ZNF469: variants seen among roughly 807,000 people sequenced by gnomAD.
ZNF469 encodes the protein zinc finger protein 469.
ZNF469 carries 1 observed loss-of-function variant against 1.0 expected under a neutral mutation model. That is an observed-to-expected ratio of 1.00 (90% CI 0.35 to 4.73). The LOEUF (loss-of-function observed/expected upper bound fraction) is 4.73, where lower values mean the gene tolerates loss of function less well. Ranked by LOEUF, ZNF469 falls within the 30% of genes most tolerant of loss-of-function variation. ZNF469 has a pLI of 0.16. For missense variants in ZNF469, 6,100 were observed against 5,356.3 expected, an observed-to-expected ratio of 1.14 and a Z score of -4.33; for synonymous variants, 2,703 against 2,363.4, an observed-to-expected ratio of 1.14 and a Z score of -4.17.
chr16:88,276,314 G>T, the ZNF469 span, among the ~76,000 whole-genome samples: 6 of 152,288 alleles, frequency 3.9e-5, no homozygotes, highest in Middle Eastern at 3.4e-3. Context: ...AAGCAGGGGG[G>T]ATTGGGAGGA....
chr16:88,242,492 A>G, the ZNF469 span, among the ~76,000 whole-genome samples: 1 of 152,252 alleles, frequency 6.6e-6, no homozygotes, highest in Non-Finnish European at 1.5e-5. Context: ...CACCAGGCAG[A>G]TTGGACTGGG....
chr16:88,240,917 C>G, the ZNF469 span, among the ~76,000 whole-genome samples: 1 of 152,114 alleles, frequency 6.6e-6, no homozygotes, highest in Non-Finnish European at 1.5e-5. Flanking sequence ...AAGAGACACA[C>G]AAGCCACCTG....
chr16:88,157,754 G>A, the ZNF469 span, among the ~76,000 whole-genome samples: 4 of 152,166 alleles, frequency 2.6e-5, no homozygotes, highest in Non-Finnish European at 4.4e-5. Context: ...CCCCCATCCC[G>A]AGTCTGGGTC....
At chr16:88,418,359 G>C (rs1905358913) in intron 1 of ZNF469, among the ~76,000 whole-genome samples, 1 of 152,142 alleles carries the variant, frequency 6.6e-6, no homozygotes, top group Non-Finnish European at 1.5e-5. Flanking sequence ...AGCAGAGCTG[G>C]GTTGGGGCCT....
At position 88,430,186 on chromosome 16, in the gene ZNF469, C is replaced by A. The variant is rs1567510738; in HGVS notation, c.2716C>A (p.Pro906Thr). 1 of 1,547,852 alleles carries A rather than the reference C, an allele frequency of 6.5e-7. No individual in the cohort carries two copies. The change falls in exon 3 of 3, where the codon CCG becomes ACG. Residue 906 changes from proline to threonine, a missense_variant. Coordinates refer to ENST00000565624, the MANE Select transcript of ZNF469 (RefSeq NM_001367624.2). ...KAPPPLPAAT[P>T]DPQTPRPGDR... ...TCCGCCCCCGCTCCCAGCAGCCACG[C>A]CGGACCCCCAAACCCCCCGCCCTGG... is the stretch of plus-strand genomic sequence containing the variant.
the ZNF469 span, among the ~76,000 whole-genome samples, chr16:88,230,569 G>T: frequency 7.2e-6 from 1 of 137,936 alleles, no homozygotes; most frequent in Non-Finnish European, 1.6e-5. Context: ...TGATGAGCAG[G>T]TGTCGCTGTG....
At chr16:88,305,136 T>G in the ZNF469 span, among the ~76,000 whole-genome samples, 1 of 152,184 alleles carries the variant, frequency 6.6e-6, no homozygotes, top group African/African-American at 2.4e-5. Flanking sequence ...CCAGTCCTTC[T>G]GAGTCCTAAT....
chr16:88,420,671 C>T (rs1905429743), intron 1 of ZNF469, among the ~76,000 whole-genome samples: 1 of 152,234 alleles, frequency 6.6e-6, no homozygotes, highest in Non-Finnish European at 1.5e-5. Context: ...AAGAGGGATG[C>T]CATGCTTCTG....
At chr16:88,185,551 GCACT>G in the ZNF469 span, among the ~76,000 whole-genome samples, 1 of 149,744 alleles carries the variant, frequency 6.7e-6, no homozygotes, top group Non-Finnish European at 1.5e-5. Flanking sequence ...ACTCACATTC[GCACT>G]CACACACACG....
chr16:88,349,725 A>G, the ZNF469 span, among the ~76,000 whole-genome samples: 1 of 146,756 alleles, frequency 6.8e-6, no homozygotes, highest in Non-Finnish European at 1.5e-5. Context: ...CACATCCAGC[A>G]CAATACACAC....
chr16:88,309,571 CCT>C, the ZNF469 span, among the ~76,000 whole-genome samples: 2 of 149,352 alleles, frequency 1.3e-5, no homozygotes, highest in Admixed American at 1.3e-4. Context: ...TCTGAGGTCC[CCT>C]CTCGGTGTTC....
the ZNF469 span, among the ~76,000 whole-genome samples, chr16:88,152,871 C>T: frequency 2.6e-5 from 4 of 152,262 alleles, no homozygotes; most frequent in Admixed American, 6.5e-5. This position sits in a 1 kb window ranked among gnomAD's most constrained non-coding sequence, Gnocchi z 4.2. Context: ...AAACCATTTG[C>T]GTTTTCATTA....
the ZNF469 span, among the ~76,000 whole-genome samples, chr16:88,117,296 G>C: frequency 2.0e-5 from 3 of 152,166 alleles, no homozygotes; most frequent in African/African-American, 7.2e-5. Flanking sequence ...CTGGGGATGC[G>C]TGAGAGCCAG....
In ZNF469 at chr16:88,433,162, T is replaced by C; in HGVS notation, c.5692T>C (p.Leu1898=). ...TAGCAGGAGGTCCCAGGACCCAGCT[T>C]TGAGCCCCCCCATACGTCAGCTCCA... ...HPSRRSQDPA[L]SPPIRQLQLP... The change falls in exon 3 of 3, where the codon TTG becomes CTG. Residue 1898 remains leucine, a synonymous_variant. Transcript: ENST00000565624. 6.5e-7 allele frequency: 1 copy of C among 1,550,284 alleles called. No individual in the cohort carries two copies. The highest frequency in any genetic ancestry group is 1.2e-5 in the South Asian group (1 of 84,062).
the ZNF469 span, among the ~76,000 whole-genome samples, chr16:88,131,169 G>C: frequency 1.3e-5 from 2 of 152,256 alleles, no homozygotes; most frequent in Admixed American, 1.3e-4. Context: ...ACGTGCGGCA[G>C]AACCGGCTGT....
chr16:88,373,341 G>A, the ZNF469 span, among the ~76,000 whole-genome samples: 1 of 152,220 alleles, frequency 6.6e-6, no homozygotes, highest in Non-Finnish European at 1.5e-5. Flanking sequence ...AGGTGGTTTG[G>A]TGGGGGAGTG....
the ZNF469 span, among the ~76,000 whole-genome samples, chr16:88,318,520 A>T: frequency 1.3e-5 from 2 of 151,768 alleles, no homozygotes; most frequent in African/African-American, 4.8e-5. Flanking sequence ...CCCTTTAGCA[A>T]GTCAGGGAGA....
chr16:88,422,300 GAGTGGGTGGATAGATGGGTGAGT>G (rs1567506447), intron 1 of ZNF469, among the ~76,000 whole-genome samples: 21 of 149,358 alleles, frequency 1.4e-4, no homozygotes, highest in Non-Finnish European at 1.9e-4. Context: ...ATGGATGGAT[GAGTGGGTGGATAGATGGGTGAGT>G]GATGGATGGA....
the ZNF469 span, among the ~76,000 whole-genome samples, chr16:88,374,265 C>G: frequency 7.9e-5 from 12 of 152,100 alleles, no homozygotes; most frequent in Non-Finnish European, 8.8e-5. Flanking sequence ...TACAAGGAGG[C>G]AGCATAGAGG....
Sources: gnomAD v4.1 joint callset for allele counts (sites outside exome capture counted in the v4.1 genomes callset) on GRCh38, gnomAD v4.1.1 for gene constraint, Gnocchi (gnomAD v3.1) non-coding constraint, MANE v1.5 for transcripts, NCBI Gene and HGNC (gene_info 2026-07-23, HGNC 2026-07-21) for gene names.